The following EPM2A variants were observed in gnomAD, a reference collection of about 807,000 sequenced individuals.
The protein encoded by EPM2A is EPM2A glucan phosphatase, laforin.
Under a neutral mutation model 26.5 loss-of-function variants are expected in EPM2A, and 21 were observed. That is an observed-to-expected ratio of 0.79 (90% CI 0.56 to 1.14). The LOEUF is 1.14. Among genes scored for constraint, EPM2A ranks in the 50% most tolerant of loss-of-function variants. The pLI is 0.00. For synonymous variants in EPM2A, 217 were observed against 177.6 expected (o/e 1.22, Z -1.76); for missense variants, 458 against 440.8 (o/e 1.04, Z -0.35).
intron 2 of EPM2A, among the ~76,000 whole-genome samples, chr6:145,544,594 T>C (rs1439955936): frequency 1.3e-5 from 2 of 152,166 alleles, no homozygotes; most frequent in Non-Finnish European, 2.9e-5. Context: ...ACTAAAATAT[T>C]ATAAATTGGT....
In EPM2A at chr6:145,701,677, TG is replaced by T. The variant is rs150709762; in HGVS notation, c.302-15382del. ...TCAGGATTCTGTTGGCTGCGGAGAG[TG>T]GAGAGAAACAAATAATGGTGATAGT... On this transcript the variant is annotated intron_variant, in intron 1 of 3. Transcript: ENST00000367519. Among the ~76,000 whole-genome samples the T allele has an allele frequency of 4.6e-5, 7 of 152,090 alleles. No individual in the cohort carries two copies. The East Asian group carries it at 1.4e-3, about 29-fold the overall frequency.
chr6:145,391,554 G>C (rs767111620), intron 4 of EPM2A, among the ~76,000 whole-genome samples: 1 of 152,116 alleles, frequency 6.6e-6, no homozygotes, highest in Non-Finnish European at 1.5e-5. Flanking sequence ...TGCTCCTCCT[G>C]TAATCTGTTA....
intron 2 of EPM2A, among the ~76,000 whole-genome samples, chr6:145,549,666 A>C (rs1003799245): frequency 3.9e-5 from 6 of 152,182 alleles, no homozygotes; most frequent in African/African-American, 1.4e-4. Context: ...AGAGCTGAGC[A>C]TAGGAAAATT....
intron 4 of EPM2A, among the ~76,000 whole-genome samples, chr6:145,390,371 G>A (rs192055271): frequency 1.2e-4 from 18 of 151,024 alleles, no homozygotes; most frequent in Admixed American, 5.3e-4. Flanking sequence ...AATAATGTTC[G>A]AACAAGTATC....
chr6:145,623,100 C>A (rs1331862030), downstream of EPM2A, among the ~76,000 whole-genome samples: 2 of 152,306 alleles, frequency 1.3e-5, no homozygotes, highest in East Asian at 3.9e-4. Context: ...TTATTAGCTA[C>A]TCTTGTCCTT....
At chr6:145,721,577 A>C (rs1189851824) in intron 1 of EPM2A, 2 of 152,220 alleles carry the variant, frequency 1.3e-5, no homozygotes, top group Non-Finnish European at 2.9e-5. Context: ...AAAAGGTACA[A>C]TCTCCTAAGA....
intron 1 of EPM2A, among the ~76,000 whole-genome samples, chr6:145,712,655 A>G (rs1775399341): frequency 1.3e-5 from 2 of 152,188 alleles, no homozygotes; most frequent in Non-Finnish European, 1.5e-5. Context: ...AAATGATAGC[A>G]TCTGCTTATT....
At chr6:145,650,357 C>G (rs1001737175) in intron 2 of EPM2A, among the ~76,000 whole-genome samples, 1 of 152,100 alleles carries the variant, frequency 6.6e-6, no homozygotes, top group Non-Finnish European at 1.5e-5. Flanking sequence ...TCAAGACCAG[C>G]CTGGCCAACA....
chr6:145,440,665 G>A (rs1232758625), intron 4 of EPM2A, among the ~76,000 whole-genome samples: 1 of 152,180 alleles, frequency 6.6e-6, no homozygotes, highest in African/African-American at 2.4e-5. Context: ...CCAAATGGGA[G>A]AAACTGGTCA....
intron 2 of EPM2A, among the ~76,000 whole-genome samples, chr6:145,602,166 T>C (rs1301438369): frequency 6.6e-6 from 1 of 152,204 alleles, no homozygotes; most frequent in African/African-American, 2.4e-5. Flanking sequence ...TTTTTATTTA[T>C]TTGGGATGTA....
Position 145,735,183 on chromosome 6 carries a change from G to A in EPM2A, c.301+15C>T, listed in dbSNP as rs1445633273. The stretch of plus-strand genomic sequence containing the variant: ...CTCCCGCTCTGCGCCGGGGGCAGGC[G>A]TCTGCTGGCAATACCTTCCCAGGAG... On this transcript the variant is annotated intron_variant, in intron 1 of 3. Coordinates refer to ENST00000367519, the MANE Select transcript of EPM2A (RefSeq NM_005670.4). 2.7e-6 allele frequency: 4 copies of A among 1,488,572 alleles called. No individual in the cohort carries two copies. Among genetic ancestry groups the A allele is most frequent in the Non-Finnish European group, 3.6e-6 (4 of 1,112,778 alleles). The allele number at this position is 1,488,572 out of a possible 1,614,324, so 92.2% of individuals were successfully genotyped here. A position where few individuals can be genotyped will look rare whatever the true frequency, so the allele number is the denominator to read the frequency against.
intron 4 of EPM2A, among the ~76,000 whole-genome samples, chr6:145,492,919 T>C (rs1779773230): frequency 6.6e-6 from 1 of 152,200 alleles, no homozygotes; most frequent in Non-Finnish European, 1.5e-5. Context: ...CAGGAATGCA[T>C]GTTCTCACTT....
At chr6:145,490,577 C>T in intron 4 of EPM2A, 2 of 695,004 alleles carry the variant, frequency 2.9e-6, no homozygotes, top group South Asian at 2.7e-5. Flanking sequence ...CCACCTTCTT[C>T]AAGATGGTAA....
At chr6:145,503,181 C>G (rs1050154907) in intron 2 of EPM2A, among the ~76,000 whole-genome samples, 1 of 152,116 alleles carries the variant, frequency 6.6e-6, no homozygotes, top group African/African-American at 2.4e-5. Context: ...TAAGAGGGCT[C>G]TTTTCAGGTC....
At chr6:145,460,141 A>G (rs1779311641) in intron 4 of EPM2A, among the ~76,000 whole-genome samples, 1 of 152,140 alleles carries the variant, frequency 6.6e-6, no homozygotes, top group Admixed American at 6.5e-5. Context: ...ATAGGTAAGG[A>G]CTCGTTATCA....
At chr6:145,708,688 C>T (rs921841936) in intron 1 of EPM2A, among the ~76,000 whole-genome samples, 1 of 152,216 alleles carries the variant, frequency 6.6e-6, no homozygotes, top group Non-Finnish European at 1.5e-5. Flanking sequence ...TCATGCAGAA[C>T]CTCTGCTAGG....
At chr6:145,517,975 C>G (rs935315295) in intron 2 of EPM2A, among the ~76,000 whole-genome samples, 2 of 152,128 alleles carry the variant, frequency 1.3e-5, no homozygotes, top group African/African-American at 4.8e-5. Flanking sequence ...GAAGAGATTC[C>G]TAAGGCCACG....
intron 4 of EPM2A, among the ~76,000 whole-genome samples, chr6:145,475,389 C>T (rs1779529716): frequency 6.6e-6 from 1 of 152,118 alleles, no homozygotes; most frequent in Admixed American, 6.6e-5. Flanking sequence ...TGCATGTTCT[C>T]ACTCATAAGT....
chr6:145,558,384 G>T (rs1033115918), intron 2 of EPM2A, among the ~76,000 whole-genome samples: 11 of 152,024 alleles, frequency 7.2e-5, no homozygotes, highest in African/African-American at 2.7e-4. Flanking sequence ...GAATAATGCT[G>T]CAATGAACAT....
Sources: gnomAD v4.1 joint callset for allele counts (sites outside exome capture counted in the v4.1 genomes callset) on GRCh38, gnomAD v4.1.1 for gene constraint, MANE v1.5 for transcripts, NCBI Gene and HGNC (gene_info 2026-07-23, HGNC 2026-07-21) for gene names.